The following STPG1 variants were observed in gnomAD, a reference collection of about 807,000 sequenced individuals.
The protein encoded by STPG1 is sperm tail PG-rich repeat containing 1.
STPG1 carries 33 observed loss-of-function variants against 40.1 expected under a neutral mutation model. The observed-to-expected ratio is 0.82, with a 90% CI of 0.62 to 1.10. STPG1 has a LOEUF of 1.10. STPG1 is among the 50% of genes least tolerant of loss of function. The pLI is 0.00. For missense variants in STPG1, 396 were observed against 415.1 expected, an observed-to-expected ratio of 0.95 and a Z score of 0.40; for synonymous variants, 150 against 155.0, an observed-to-expected ratio of 0.97 and a Z score of 0.24.
chr1:24,379,784 C>T lies in STPG1; in HGVS notation c.331G>A (p.Ala111Thr), dbSNP rs41300112. The change falls in exon 5 of 9, where the codon GCG (alanine) becomes ACG (threonine). Residue 111 changes from alanine to threonine, a missense_variant. By Grantham distance (58) the Ala-to-Thr change is moderately conservative (BLOSUM62 0). Coordinates refer to ENST00000337248, the MANE Select transcript of STPG1 (RefSeq NM_001199013.2). Reference protein sequence around the residue: ...LDTIISKYPAANAYTIPSDFI... With the variant: ...LDTIISKYPATNAYTIPSDFI... The stretch of plus-strand genomic sequence containing the variant: ...TCCGATGGGATAGTGTATGCATTCG[C>T]TGCAGGGTATTTAGAAATGATGGTG... 885 of 1,614,076 alleles carry T rather than the reference C, an allele frequency of 5.5e-4. 1 individual carries two copies. The Middle Eastern group carries it at 9.9e-3, about 18-fold the overall frequency.
intron 4 of STPG1, among the ~76,000 whole-genome samples, chr1:24,380,887 T>A (rs1642254031): frequency 6.6e-6 from 1 of 152,200 alleles, no homozygotes; most frequent in Non-Finnish European, 1.5e-5. Context: ...CGAATTCTAA[T>A]AAGAAGTGGC....
intron 4 of STPG1, among the ~76,000 whole-genome samples, chr1:24,381,120 T>C (rs1642264140): frequency 1.3e-5 from 2 of 152,036 alleles, no homozygotes; most frequent in Non-Finnish European, 2.9e-5. Context: ...AGGACCAGCA[T>C]TCCTACCCAA....
rs902021744 is a variant in STPG1, at chr1:24,383,797, A to G, written c.291+105T>C. On this transcript the variant is annotated intron_variant, in intron 4 of 8. Coordinates refer to ENST00000337248, the MANE Select transcript of STPG1 (RefSeq NM_001199013.2). ...GGCAGTTACTCTCCTAATTAGAACCATAGGCCTTTGGAGAGAAAGGACCAG... is the reference window on the plus strand; with the variant it reads ...GGCAGTTACTCTCCTAATTAGAACCGTAGGCCTTTGGAGAGAAAGGACCAG... The G allele has an allele frequency of 5.2e-6, 4 of 771,364 alleles. No homozygotes were observed. In the African/African-American group the frequency reaches 6.9e-5, roughly 13 times the overall value. The allele number at this position is 771,364 out of a possible 1,614,324, so 47.8% of individuals were successfully genotyped here. A position where few individuals can be genotyped will look rare whatever the true frequency, so the allele number is the denominator to read the frequency against.
chr1:24,386,743 C>A (rs1380504482), intron 3 of STPG1, among the ~76,000 whole-genome samples: 3 of 152,202 alleles, frequency 2.0e-5, no homozygotes, highest in Non-Finnish European at 4.4e-5. Flanking sequence ...ATGAATTTAG[C>A]CTCTCAGAGC....
At chr1:24,363,666 G>A (rs185441489) in intron 7 of STPG1, among the ~76,000 whole-genome samples, 8 of 152,296 alleles carry the variant, frequency 5.3e-5, no homozygotes, top group Admixed American at 3.3e-4. Flanking sequence ...AAATCTGTTC[G>A]AATAGAGGTT....
intron 2 of STPG1, among the ~76,000 whole-genome samples, chr1:24,398,977 CTGAT>C (rs1404869215): frequency 6.6e-6 from 1 of 151,954 alleles, no homozygotes; most frequent in Non-Finnish European, 1.5e-5. Flanking sequence ...CATTAATAAG[CTGAT>C]TGTAAAATTT....
intron 4 of STPG1, among the ~76,000 whole-genome samples, chr1:24,381,195 A>G (rs6656485): frequency 0.4 from 60,365 of 152,086 alleles, 12,312 homozygotes; most frequent in African/African-American, 0.48. Context: ...GGGTTGAGCG[A>G]CATGGCTCTG....
Position 24,398,076 on chromosome 1 carries a change from T to G in STPG1, c.70+3243A>C, listed in dbSNP as rs535627060. On this transcript the variant is annotated intron_variant, in intron 2 of 8. Transcript: ENST00000337248. ...TTAGCGTATGAAAATTTCTATGACT[T>G]CACATTCTTATCAGCAATGGGAAGT... Among the ~76,000 whole-genome samples, 179 of 152,268 alleles carry G rather than the reference T, an allele frequency of 1.2e-3. 1 individual carries two copies. The highest frequency in any genetic ancestry group is 4.0e-3 in the African/African-American group (168 of 41,572).
chr1:24,371,944 G>A (rs1286774226), intron 6 of STPG1, among the ~76,000 whole-genome samples: 7 of 152,200 alleles, frequency 4.6e-5, no homozygotes, highest in African/African-American at 9.6e-5. Context: ...TTGGGAGGCC[G>A]AGGCAGACGG....
chr1:24,364,414 C>T (rs1641322764), intron 7 of STPG1: 1 of 1,491,982 alleles, frequency 6.7e-7, no homozygotes, highest in Non-Finnish European at 8.9e-7. Flanking sequence ...CGGCAGGTCA[C>T]ATCTGAGAGC....
intron 3 of STPG1, among the ~76,000 whole-genome samples, chr1:24,390,714 C>T (rs1227233505): frequency 4.6e-5 from 7 of 151,702 alleles, no homozygotes; most frequent in African/African-American, 1.2e-4. Flanking sequence ...CCACTGCACC[C>T]GGCTAATAAC....
Position 24,358,339 on chromosome 1 carries a change from G to A in STPG1, c.*204C>T. On this transcript the variant is annotated 3_prime_UTR_variant, in exon 9 of 9. Coordinates refer to ENST00000337248, the MANE Select transcript of STPG1 (RefSeq NM_001199013.2). ...AGCCACTGGAGTCTGTGGGGCTGGG[G>A]TGAAGTCTCCAGGGAGCAATGTCTC... 1 of 694,002 alleles carries A rather than the reference G, an allele frequency of 1.4e-6. No individual in the cohort carries two copies. The highest frequency in any genetic ancestry group is 1.5e-5 in the South Asian group (1 of 66,694). The allele number at this position is 694,002 out of a possible 1,614,324, so 43.0% of individuals were successfully genotyped here. A position where few individuals can be genotyped will look rare whatever the true frequency, so the allele number is the denominator to read the frequency against.
intron 8 of STPG1, 148 bp from the exon 9 acceptor site, chr1:24,358,767 G>C (rs897301259): frequency 9.7e-6 from 6 of 618,276 alleles, no homozygotes; most frequent in African/African-American, 9.2e-5. Flanking sequence ...GGAAGGAACT[G>C]GCCCGAGGTT....
chr1:24,380,856 A>G (rs1056071379), intron 4 of STPG1, among the ~76,000 whole-genome samples: 1 of 152,156 alleles, frequency 6.6e-6, no homozygotes, highest in African/African-American at 2.4e-5. Flanking sequence ...CTGTTCCTTG[A>G]GTATCCAACT....
intron 3 of STPG1, among the ~76,000 whole-genome samples, chr1:24,389,027 A>C (rs1406129787): frequency 6.6e-6 from 1 of 152,296 alleles, no homozygotes. Context: ...TATTTCTAAA[A>C]TGCTTACAAA....
chr1:24,410,889 G>A (rs1643593679), intron 1 of STPG1: 1 of 152,170 alleles, frequency 6.6e-6, no homozygotes, highest in Admixed American at 6.5e-5. Flanking sequence ...CTACGTGGGG[G>A]CCAGCGCAGC....
intron 6 of STPG1, among the ~76,000 whole-genome samples, chr1:24,371,115 A>G (rs928692624): frequency 1.2e-4 from 18 of 152,224 alleles, no homozygotes; most frequent in African/African-American, 4.1e-4. Context: ...CTAAGTTGTC[A>G]GTAGCCCTGT....
Position 24,383,866 on chromosome 1 carries a change from C to T in STPG1, c.291+36G>A, listed in dbSNP as rs748858831. On this transcript the variant is annotated intron_variant, in intron 4 of 8. Transcript: ENST00000337248. ...TGCAATGAATGAAGGAAATTACTGA[C>T]CAGTTAATGCTTTACTCAAGAGAAG... 2.6e-5 allele frequency: 33 copies of T among 1,287,494 alleles called. No individual in the cohort carries two copies. In the Middle Eastern group the frequency reaches 5.5e-4, roughly 21 times the overall value. The allele number at this position is 1,287,494 out of a possible 1,614,324, so 79.8% of individuals were successfully genotyped here. A position where few individuals can be genotyped will look rare whatever the true frequency, so the allele number is the denominator to read the frequency against.
chr1:24,358,403 A>G lies in STPG1; in HGVS notation c.*140T>C. 3 of 773,390 alleles carry G rather than the reference A, an allele frequency of 3.9e-6. No homozygotes were observed. In the South Asian group the frequency reaches 4.2e-5, roughly 11 times the overall value. 47.9% of individuals were successfully genotyped at this position (773,390 alleles called of 1,614,324 possible). A position where few individuals can be genotyped will look rare whatever the true frequency, so the allele number is the denominator to read the frequency against. ...AGGCAATGGCAGCAGTCCGGCTAGG[A>G]TGCCAGGCCAGAGTGGTAGAGCCAC... On this transcript the variant is annotated 3_prime_UTR_variant, in exon 9 of 9. Coordinates refer to ENST00000337248, the MANE Select transcript of STPG1 (RefSeq NM_001199013.2).
Sources: allele counts gnomAD v4.1 joint callset (sites outside exome capture counted in the v4.1 genomes callset), GRCh38; gene constraint gnomAD v4.1.1; transcripts MANE v1.5; gene names NCBI Gene and HGNC (gene_info 2026-07-23, HGNC 2026-07-21).